DSCAM: variants seen among roughly 807,000 people sequenced by gnomAD.
DSCAM encodes cell adhesion molecule DSCAM.
A neutral mutation model predicts 217.7 loss-of-function variants in DSCAM; 47 were observed. That is an observed-to-expected ratio of 0.22 (90% confidence interval 0.17 to 0.28). The LOEUF (loss-of-function observed/expected upper bound fraction) is 0.28, where lower values mean the gene tolerates loss of function less well. Among genes scored for constraint, DSCAM ranks in the 10% least tolerant of loss-of-function variants. The probability of loss-of-function intolerance (pLI) is 1.00; values close to 1 mark genes in which losing one functional copy is unlikely to be tolerated. For missense variants in DSCAM, 2,080 were observed against 2,618.3 expected (o/e 0.79, Z 4.49); for synonymous variants, 1,056 against 1,015.3 (o/e 1.04, Z -0.76).
chr21:40,289,295 G>C (rs80313295), intron 10 of DSCAM, among the ~76,000 whole-genome samples: 3,656 of 152,306 alleles, frequency 0.024, 290 homozygotes, highest in East Asian at 0.22. Flanking sequence ...AGCAGAGTGG[G>C]TCACAGGTGA....
intron 8 of DSCAM, among the ~76,000 whole-genome samples, chr21:40,322,706 G>T (rs1170604012): frequency 6.6e-6 from 1 of 152,042 alleles, no homozygotes; most frequent in African/African-American, 2.4e-5. Context: ...TGTATTTTTG[G>T]TAGAGACAGG....
At chr21:40,313,120 T>TAAAAAAAAAA (rs531764117) in intron 8 of DSCAM, among the ~76,000 whole-genome samples, 1 of 135,174 alleles carries the variant, frequency 7.4e-6, no homozygotes, top group African/African-American at 2.8e-5. Context: ...TCTAAAAAAC[T>TAAAAAAAAAA]AAAAAAAAAA....
At chr21:40,488,066 C>T (rs1601683389) in intron 3 of DSCAM, among the ~76,000 whole-genome samples, 1 of 152,208 alleles carries the variant, frequency 6.6e-6, no homozygotes, top group African/African-American at 2.4e-5. Context: ...ACAGTTGATG[C>T]TCATCTTGCT....
intron 1 of DSCAM, among the ~76,000 whole-genome samples, chr21:40,803,162 A>G (rs2091757173): frequency 6.6e-6 from 1 of 152,240 alleles, no homozygotes; most frequent in Admixed American, 6.5e-5. Context: ...CAAGTCTCCA[A>G]TAAGTGCTGC....
intron 16 of DSCAM, among the ~76,000 whole-genome samples, chr21:40,155,674 G>A (rs923180155): frequency 2.6e-5 from 4 of 152,124 alleles, no homozygotes; most frequent in Admixed American, 2.0e-4. Flanking sequence ...GATTCTGGAA[G>A]CTCTGTAAGA....
intron 26 of DSCAM, 109 bp downstream of exon 26, chr21:40,078,578 G>A: frequency 7.0e-7 from 1 of 1,427,198 alleles, no homozygotes; most frequent in South Asian, 1.4e-5. Context: ...TGGGCTCCGT[G>A]GGCACTGGTC....
intron 1 of DSCAM, among the ~76,000 whole-genome samples, chr21:40,725,176 T>C (rs1353462038): frequency 2.0e-5 from 3 of 152,208 alleles, no homozygotes; most frequent in African/African-American, 4.8e-5. Context: ...TCCATTGCCA[T>C]TGGCATCTCA....
intron 3 of DSCAM, among the ~76,000 whole-genome samples, chr21:40,401,285 T>C (rs1262620611): frequency 6.6e-6 from 1 of 152,234 alleles, no homozygotes; most frequent in Non-Finnish European, 1.5e-5. Flanking sequence ...TTTATGGGAA[T>C]ACATTTCCTG....
chr21:40,820,767 C>T (rs1312640472), intron 1 of DSCAM, among the ~76,000 whole-genome samples: 2 of 152,192 alleles, frequency 1.3e-5, no homozygotes, highest in East Asian at 3.9e-4. Flanking sequence ...CCCAGTGTGG[C>T]CCTGAGCCTA....
chr21:40,310,765 C>T (rs1283097892), intron 9 of DSCAM, among the ~76,000 whole-genome samples: 23 of 152,266 alleles, frequency 1.5e-4, no homozygotes, highest in Admixed American at 1.2e-3. Flanking sequence ...TATAAGAAAA[C>T]GCTTGGGAAA....
At chr21:40,604,036 T>A (rs1230817468) in intron 3 of DSCAM, among the ~76,000 whole-genome samples, 2 of 151,960 alleles carry the variant, frequency 1.3e-5, no homozygotes, top group African/African-American at 4.8e-5. Context: ...CTGCTCCCTT[T>A]TCTCCTTTTT....
At chr21:40,715,461 C>T (rs927920482) in intron 1 of DSCAM, among the ~76,000 whole-genome samples, 1 of 152,200 alleles carries the variant, frequency 6.6e-6, no homozygotes, top group African/African-American at 2.4e-5. Flanking sequence ...GAGAAAAATA[C>T]ATTTTGTACA....
In DSCAM at chr21:40,805,308, G is replaced by A. The variant is rs182487709; in HGVS notation, c.43+41311C>T. Among the ~76,000 whole-genome samples the A allele has an allele frequency of 2.0e-3, 297 of 152,248 alleles. 4 individuals carry two copies. In the South Asian group the frequency reaches 0.023, roughly 12 times the overall value. On this transcript the variant is annotated intron_variant, in intron 1 of 32. Coordinates refer to ENST00000400454, the MANE Select transcript of DSCAM (RefSeq NM_001389.5). ...CTCTTTCCCCCTCTCTGTTTTGTGAGGGTTCCTTCTGTTTGTTCATTCCCC... is the reference window on the plus strand; with the variant it reads ...CTCTTTCCCCCTCTCTGTTTTGTGAAGGTTCCTTCTGTTTGTTCATTCCCC...
At chr21:40,645,174 T>A (rs545381465) in intron 3 of DSCAM, among the ~76,000 whole-genome samples, 8 of 152,180 alleles carry the variant, frequency 5.3e-5, no homozygotes, top group Non-Finnish European at 1.0e-4. Flanking sequence ...TTCCTTTCCC[T>A]TCCTTCTGTG....
intron 8 of DSCAM, among the ~76,000 whole-genome samples, chr21:40,321,286 G>C (rs993266268): frequency 6.6e-6 from 1 of 152,266 alleles, no homozygotes; most frequent in Non-Finnish European, 1.5e-5. Flanking sequence ...ATTCATGCCT[G>C]CTTGTTCAGT....
At chr21:40,768,643 C>T (rs1423645008) in intron 1 of DSCAM, among the ~76,000 whole-genome samples, 1 of 152,188 alleles carries the variant, frequency 6.6e-6, no homozygotes, top group Non-Finnish European at 1.5e-5. Flanking sequence ...GTGAACATCA[C>T]AGGATGGCCT....
intron 1 of DSCAM, among the ~76,000 whole-genome samples, chr21:40,732,868 C>T (rs975501256): frequency 2.0e-5 from 3 of 152,190 alleles, no homozygotes; most frequent in Admixed American, 6.5e-5. Flanking sequence ...TGATCACTTG[C>T]TATTTTTTCT....
At position 40,576,085 on chromosome 21, in the gene DSCAM, C is replaced by T. The variant is rs572051009; in HGVS notation, c.508+116725G>A. 3.9e-5 allele frequency among the ~76,000 whole-genome samples: 4 copies of T among 103,602 alleles called. No homozygotes were observed. In the South Asian group the frequency reaches 1.4e-3, roughly 36 times the overall value. 68.0% of individuals were successfully genotyped at this position (103,602 alleles called of 152,430 possible). ...AGAAGTTTTATAAAGTTAAACATGC[C>T]ATCCCACTTAGTATTTCCCCAAGAG... is the stretch of plus-strand genomic sequence containing the variant. On this transcript the variant is annotated intron_variant, in intron 3 of 32. Transcript: ENST00000400454.
chr21:40,019,650 TC>T (rs2088226532), intron 32 of DSCAM, among the ~76,000 whole-genome samples: 1 of 152,134 alleles, frequency 6.6e-6, no homozygotes, highest in Non-Finnish European at 1.5e-5. Context: ...AGTCCAAGGA[TC>T]CTTTGTGCTT....
Sources: gnomAD v4.1 joint callset for allele counts (sites outside exome capture counted in the v4.1 genomes callset) on GRCh38, gnomAD v4.1.1 for gene constraint, MANE v1.5 for transcripts, NCBI Gene and HGNC (gene_info 2026-07-23, HGNC 2026-07-21) for gene names.